Variants in MAGI2 observed in about 807,000 individuals in gnomAD.
MAGI2 encodes the protein membrane associated guanylate kinase, WW and PDZ domain containing 2.
A neutral mutation model predicts 133.3 loss-of-function variants in MAGI2; 35 were observed. The observed-to-expected ratio is 0.26, with a 90% CI of 0.20 to 0.35. The LOEUF (loss-of-function observed/expected upper bound fraction) is 0.35, where lower values mean the gene tolerates loss of function less well. Ranked by LOEUF, MAGI2 falls within the 10% of genes least tolerant of loss-of-function variation. The probability of loss-of-function intolerance (pLI) is 1.00; values close to 1 mark genes in which losing one functional copy is unlikely to be tolerated. For missense variants in MAGI2, 1,636 were observed against 1,863.4 expected (o/e 0.88, Z 2.25); for synonymous variants, 729 against 710.6 (o/e 1.03, Z -0.41).
intron 6 of MAGI2, among the ~76,000 whole-genome samples, chr7:78,420,982 A>C (rs535439244): frequency 2.2e-4 from 34 of 152,324 alleles, no homozygotes; most frequent in Admixed American, 7.8e-4. Flanking sequence ...GAGTACATAA[A>C]GTGTTCCAAG....
At chr7:78,396,599 T>C (rs1477306483) in intron 6 of MAGI2, among the ~76,000 whole-genome samples, 1 of 152,200 alleles carries the variant, frequency 6.6e-6, no homozygotes, top group African/African-American at 2.4e-5. Context: ...CTTGCTTTAT[T>C]TTATTAGCAT....
chr7:78,029,914 G>A (rs1462990166), intron 21 of MAGI2, among the ~76,000 whole-genome samples: 1 of 152,192 alleles, frequency 6.6e-6, no homozygotes, highest in Non-Finnish European at 1.5e-5. Flanking sequence ...CACACAGCAG[G>A]GAAGGACAGA....
intron 3 of MAGI2, among the ~76,000 whole-genome samples, chr7:78,612,717 C>T (rs940687623): frequency 5.9e-5 from 9 of 151,736 alleles, no homozygotes; most frequent in East Asian, 1.9e-4. Context: ...TCGCCCAGGC[C>T]GGAGTGCAGT....
chr7:78,362,634 C>T (rs900128236), intron 7 of MAGI2, among the ~76,000 whole-genome samples: 2 of 152,090 alleles, frequency 1.3e-5, no homozygotes, highest in Admixed American at 6.5e-5. Flanking sequence ...GGACGTAAAA[C>T]GTTAAACCAG....
rs1179719829 is a variant in MAGI2, at chr7:78,256,462, A to G, written c.1528T>C (p.Tyr510His). 1.2e-6 allele frequency: 2 copies of G among 1,613,966 alleles called. No individual in the cohort carries two copies. Among genetic ancestry groups the G allele is most frequent in the Non-Finnish European group, 8.5e-7 (1 of 1,179,960 alleles). ...QSVNLVLCRG[Y>H]PLPFDPEDPA... ...TCTTCAGGATCAAAGGGCAAAGGGT[A>G]GCCACGACACAACACCAGGTTGACA... Residue 510 changes from tyrosine (Y) to histidine (H), a missense_variant, in exon 10 of 22, where the codon TAC becomes CAC. Tyr to His is a moderately conservative substitution (Grantham distance 83). Coordinates refer to ENST00000354212, the MANE Select transcript of MAGI2 (RefSeq NM_012301.4).
chr7:79,279,689 A>G (rs566480549), intron 1 of MAGI2, among the ~76,000 whole-genome samples: 1 of 152,290 alleles, frequency 6.6e-6, no homozygotes, highest in East Asian at 1.9e-4. Flanking sequence ...ATTATTTTGA[A>G]CATTATTGTC....
At chr7:78,474,695 T>C (rs1791564945) in intron 6 of MAGI2, among the ~76,000 whole-genome samples, 1 of 151,884 alleles carries the variant, frequency 6.6e-6, no homozygotes, top group African/African-American at 2.4e-5. Context: ...AACCCATACA[T>C]ATACTAATGA....
chr7:79,248,843 C>CATTTT (rs59420661), intron 1 of MAGI2, among the ~76,000 whole-genome samples: 123,027 of 149,712 alleles, frequency 0.82, 50,884 homozygotes, highest in Non-Finnish European at 0.86. Flanking sequence ...ATATTAAAAC[C>CATTTT]ATTTTATTTT....
intron 3 of MAGI2, among the ~76,000 whole-genome samples, chr7:78,538,228 A>T (rs1385739965): frequency 6.6e-6 from 1 of 152,138 alleles, no homozygotes; most frequent in Non-Finnish European, 1.5e-5. Flanking sequence ...TGGTGACTAT[A>T]GCCTTGTAGT....
At chr7:79,344,658 A>T (rs767797353) in intron 1 of MAGI2, among the ~76,000 whole-genome samples, 2 of 152,202 alleles carry the variant, frequency 1.3e-5, no homozygotes, top group African/African-American at 2.4e-5. Flanking sequence ...TACATGCGAC[A>T]GTTGACAGTA....
chr7:79,333,320 G>T (rs1840218430), intron 1 of MAGI2, among the ~76,000 whole-genome samples: 1 of 151,974 alleles, frequency 6.6e-6, no homozygotes, highest in Non-Finnish European at 1.5e-5. Flanking sequence ...TACAGACAGG[G>T]TTTCACCATG....
At position 78,325,162 on chromosome 7, in the gene MAGI2, C is replaced by T. The variant is rs1005960884; in HGVS notation, c.1408+18616G>A. ...GCATTCTTTATGTTGTAGACTTCAG[C>T]ATATATACTTATTATCCCACTGTAC... On this transcript the variant is annotated intron_variant, in intron 9 of 21. Transcript: ENST00000354212. 7.9e-5 allele frequency among the ~76,000 whole-genome samples: 12 copies of T among 152,140 alleles called. No individual in the cohort carries two copies. The East Asian group carries it at 2.1e-3, about 27-fold the overall frequency.
At chr7:78,267,227 G>A (rs1794108057) in intron 9 of MAGI2, among the ~76,000 whole-genome samples, 1 of 152,120 alleles carries the variant, frequency 6.6e-6, no homozygotes, top group East Asian at 1.9e-4. Context: ...GCTGAAATGA[G>A]GGCTGCCAGA....
intron 2 of MAGI2, among the ~76,000 whole-genome samples, chr7:78,833,503 C>T (rs929455414): frequency 4.6e-5 from 7 of 152,148 alleles, no homozygotes; most frequent in Admixed American, 3.9e-4. Flanking sequence ...GAAAGAGCCC[C>T]GCTGTATTGC....
intron 2 of MAGI2, among the ~76,000 whole-genome samples, chr7:78,979,518 G>T (rs908021701): frequency 1.3e-5 from 2 of 151,752 alleles, no homozygotes; most frequent in Non-Finnish European, 2.9e-5. Flanking sequence ...TGAGCTGGGG[G>T]TTTCACTTCC....
intron 21 of MAGI2, among the ~76,000 whole-genome samples, chr7:78,030,261 G>GTTATTT (rs981999864): frequency 6.6e-6 from 1 of 152,100 alleles, no homozygotes; most frequent in Non-Finnish European, 1.5e-5. Context: ...TTTGAATCCA[G>GTTATTT]TTATTTTTAT....
intron 10 of MAGI2, among the ~76,000 whole-genome samples, chr7:78,209,475 A>C (rs913171511): frequency 6.6e-6 from 1 of 151,650 alleles, no homozygotes; most frequent in African/African-American, 2.4e-5. Context: ...GTTGGCCAGG[A>C]TGGTCTTGAT....
rs146747433 is a variant in MAGI2, at chr7:79,235,588, C to G, written c.301+217432G>C. Among the ~76,000 whole-genome samples, 62 of 152,270 alleles carry G rather than the reference C, an allele frequency of 4.1e-4. No homozygotes were observed. In the East Asian group the frequency reaches 0.011, roughly 27 times the overall value. ...GCGTCCGTCACCCCTTTGTTTGACT[C>G]GGAAAGGGAACTCCCCGACCCCTTG... is the stretch of plus-strand genomic sequence containing the variant. On this transcript the variant is annotated intron_variant, in intron 1 of 21. Coordinates refer to ENST00000354212, the MANE Select transcript of MAGI2 (RefSeq NM_012301.4).
chr7:78,078,775 C>CGT (rs1181260320), intron 21 of MAGI2, 172 bp downstream of exon 21: 17 of 594,030 alleles, frequency 2.9e-5, no homozygotes, highest in South Asian at 4.4e-5. Flanking sequence ...CATAAACATA[C>CGT]GTGTGTGTGT....
Sources: gnomAD v4.1 joint callset for allele counts (sites outside exome capture counted in the v4.1 genomes callset) on GRCh38, gnomAD v4.1.1 for gene constraint, MANE v1.5 for transcripts, NCBI Gene and HGNC (gene_info 2026-07-23, HGNC 2026-07-21) for gene names.